TBC1D13: variants seen among roughly 807,000 people sequenced by gnomAD.
The protein encoded by TBC1D13 is epididymis secretory sperm binding protein.
Under a neutral mutation model 53.6 loss-of-function variants are expected in TBC1D13, and 40 were observed. That is an observed-to-expected ratio of 0.75 (90% CI 0.58 to 0.97). TBC1D13 has a LOEUF of 0.97. Ranked by LOEUF, TBC1D13 falls within the 50% of genes least tolerant of loss-of-function variation. TBC1D13 has a pLI of 0.00. For synonymous variants in TBC1D13, 182 were observed against 197.7 expected (o/e 0.92, Z 0.67); for missense variants, 377 against 499.4 (o/e 0.75, Z 2.34).
intron 9 of TBC1D13, among the ~76,000 whole-genome samples, chr9:128,804,739 T>TTG (rs1564426905): frequency 2.9e-5 from 4 of 139,914 alleles, no homozygotes; most frequent in South Asian, 4.7e-4. Context: ...TTTTTTTTTT[T>TTG]TTTTTTGAGA....
intron 7 of TBC1D13, among the ~76,000 whole-genome samples, chr9:128,802,568 G>T (rs985201872): frequency 6.6e-6 from 1 of 152,070 alleles, no homozygotes; most frequent in African/African-American, 2.4e-5. Context: ...AGGACCATTT[G>T]TTGTATTGCA....
At position 128,803,240 on chromosome 9, in the gene TBC1D13, T is replaced by G. The variant is rs1829768065; in HGVS notation, c.544-10T>G. On this transcript the variant is annotated splice_polypyrimidine_tract_variant and intron_variant, in intron 7 of 11. Transcript: ENST00000372648. ...GTCTTTCTTGATGGGCTCCTCCTCT[T>G]CTCCTCCAGATGAGCTCCCCACACA... The G allele has an allele frequency of 6.2e-7, 1 of 1,613,136 alleles. No homozygotes were observed. Among genetic ancestry groups the G allele is most frequent in the Non-Finnish European group, 8.5e-7 (1 of 1,179,212 alleles).
At chr9:128,791,234 A>C in intron 3 of TBC1D13, 146 bp from the exon 4 acceptor site, 1 of 767,410 alleles carries the variant, frequency 1.3e-6, no homozygotes, top group Non-Finnish European at 2.2e-6. Context: ...GGCTACCCCT[A>C]GCTCATGCTG....
At chr9:128,787,654 C>CA (rs1829452232) in intron 1 of TBC1D13, among the ~76,000 whole-genome samples, 1 of 147,204 alleles carries the variant, frequency 6.8e-6, no homozygotes, top group South Asian at 2.2e-4. Flanking sequence ...CCCCATGCCC[C>CA]GCCCCCGTGC....
intron 3 of TBC1D13, 115 bp downstream of exon 3, chr9:128,790,890 G>T: frequency 8.7e-7 from 1 of 1,144,720 alleles, no homozygotes; most frequent in Non-Finnish European, 1.2e-6. Flanking sequence ...TTGCTTGTCT[G>T]AGGGAGCTTT....
At chr9:128,807,525 G>A (rs140335509) in intron 11 of TBC1D13, among the ~76,000 whole-genome samples, 308 of 152,336 alleles carry the variant, frequency 2.0e-3, no homozygotes, top group Non-Finnish European at 3.2e-3. Flanking sequence ...GAGGGAGCTC[G>A]GGTTCAGTGG....
chr9:128,787,286 G>A lies in TBC1D13; in HGVS notation c.-68G>A. ...CCCCGCGTCCCTGGGGGGCGGCGGC[G>A]GCGGCGGCAGCGCAGGCGGCAGAGG... On this transcript the variant is annotated 5_prime_UTR_variant, in exon 1 of 12. Transcript: ENST00000372648. 8.0e-7 allele frequency: 1 copy of A among 1,252,210 alleles called. No individual in the cohort carries two copies. 77.6% of individuals were successfully genotyped at this position (1,252,210 alleles called of 1,614,324 possible). A position where few individuals can be genotyped will look rare whatever the true frequency, so the allele number is the denominator to read the frequency against.
At chr9:128,796,656 C>T (rs1829636113) in intron 6 of TBC1D13, among the ~76,000 whole-genome samples, 1 of 152,048 alleles carries the variant, frequency 6.6e-6, no homozygotes, top group East Asian at 1.9e-4. Context: ...ACAAACAATG[C>T]TGGCCAGGTA....
intron 9 of TBC1D13, among the ~76,000 whole-genome samples, chr9:128,804,720 G>GTTTTT (rs1170366996): frequency 6.2e-4 from 35 of 56,396 alleles, no homozygotes; most frequent in Middle Eastern, 0.014. Flanking sequence ...TTTTTTTTCT[G>GTTTTT]TTTTTTTTTT....
intron 2 of TBC1D13, among the ~76,000 whole-genome samples, chr9:128,789,295 G>A (rs1007973155): frequency 1.9e-5 from 2 of 105,404 alleles, no homozygotes; most frequent in African/African-American, 3.8e-5. Flanking sequence ...CAGCCTGGGC[G>A]ACAAGAGTGA....
At position 128,808,111 on chromosome 9, in the gene TBC1D13, G is replaced by A. The variant is rs1829872330; in HGVS notation, c.*232G>A. 1.9e-6 allele frequency: 1 copy of A among 527,528 alleles called. No individual in the cohort carries two copies. Among genetic ancestry groups the A allele is most frequent in the East Asian group, 3.1e-5 (1 of 32,620 alleles). 32.7% of individuals were successfully genotyped at this position (527,528 alleles called of 1,614,324 possible). On this transcript the variant is annotated 3_prime_UTR_variant, in exon 12 of 12. Coordinates refer to ENST00000372648, the MANE Select transcript of TBC1D13 (RefSeq NM_018201.5). Reference sequence around the variant, plus strand: ...TTTGCCCAGGATACTGAGGAGGGCTGGAGCTCGGGAAGTTGTCCTTCCTGG... The same window carrying A: ...TTTGCCCAGGATACTGAGGAGGGCTAGAGCTCGGGAAGTTGTCCTTCCTGG...
chr9:128,792,655 C>A, intron 6 of TBC1D13, 81 bp downstream of exon 6: 2 of 1,323,238 alleles, frequency 1.5e-6, no homozygotes, highest in Non-Finnish European at 2.1e-6. Context: ...CATTTGCAGG[C>A]CGGGCCTATG....
intron 6 of TBC1D13, among the ~76,000 whole-genome samples, chr9:128,795,160 A>T (rs1212600928): frequency 6.7e-6 from 1 of 150,354 alleles, no homozygotes; most frequent in Non-Finnish European, 1.5e-5. Context: ...GGCTCAAGTG[A>T]TCCTCCTGCC....
intron 4 of TBC1D13, 67 bp downstream of exon 4, chr9:128,791,508 C>T: frequency 6.2e-7 from 1 of 1,606,214 alleles, no homozygotes; most frequent in Non-Finnish European, 8.5e-7. Flanking sequence ...ACCGCTGGGG[C>T]CGCCCTGCCT....
rs4837310 is a variant in TBC1D13, at chr9:128,794,466, T to C, written c.383+1892T>C. Among the ~76,000 whole-genome samples the C allele has an allele frequency of 1.0e-2, 1,522 of 152,254 alleles. 29 individuals are homozygous for C. The highest frequency in any genetic ancestry group is 0.035 in the African/African-American group (1,457 of 41,548). On this transcript the variant is annotated intron_variant, in intron 6 of 11. Transcript: ENST00000372648. ...GTTCTGTTTTTTTGTTTTCTGTTTT[T>C]TTTTTGTTTTTGTTTTTGTTTTTTT...
Position 128,788,368 on chromosome 9 carries a change from T to G in TBC1D13, c.58T>G (p.Ser20Ala). 1 of 1,614,136 alleles carries G rather than the reference T, an allele frequency of 6.2e-7. No individual in the cohort carries two copies. The highest frequency in any genetic ancestry group is 8.5e-7 in the Non-Finnish European group (1 of 1,180,002). ...TTTCCAGGATGTCCTGAAGGAGCCC[T>G]CAATTGCATTGGAAAAGCTGCGGGA... ...ADFQDVLKEP[S>A]IALEKLRELS... is the part of the protein sequence containing the mutation. Residue 20 changes from serine to alanine, a missense_variant, in exon 2 of 12, where the codon TCA becomes GCA. Coordinates refer to ENST00000372648, the MANE Select transcript of TBC1D13 (RefSeq NM_018201.5).
intron 3 of TBC1D13, 48 bp from the exon 4 acceptor site, chr9:128,791,332 G>C: frequency 1.3e-6 from 2 of 1,561,152 alleles, no homozygotes; most frequent in Non-Finnish European, 1.8e-6. Flanking sequence ...AAAGACTGAC[G>C]TTGGTGCAGG....
At chr9:128,788,446 C>A in intron 2 of TBC1D13, 39 bp downstream of exon 2, 1 of 1,584,836 alleles carries the variant, frequency 6.3e-7, no homozygotes, top group Non-Finnish European at 8.7e-7. Context: ...TTCCCTACAG[C>A]AGCCCTGTGG....
At chr9:128,805,761 C>T (rs1459070250) in intron 9 of TBC1D13, 98 bp from the exon 10 acceptor site, 3 of 1,350,914 alleles carry the variant, frequency 2.2e-6, no homozygotes, top group East Asian at 5.0e-5. Flanking sequence ...CATGCTGGGC[C>T]CTGCTGTTCT....
Sources: gnomAD v4.1 joint callset for allele counts (sites outside exome capture counted in the v4.1 genomes callset) on GRCh38, gnomAD v4.1.1 for gene constraint, MANE v1.5 for transcripts, NCBI Gene and HGNC (gene_info 2026-07-23, HGNC 2026-07-21) for gene names.